CERS6: variants seen among roughly 807,000 people sequenced by gnomAD.
CERS6 encodes the protein LAG1 homolog, ceramide synthase 6.
CERS6 carries 26 observed loss-of-function variants against 56.8 expected under a neutral mutation model. The observed-to-expected ratio is 0.46, with a 90% CI of 0.34 to 0.63. CERS6 has a LOEUF of 0.63. CERS6 is among the 30% of genes least tolerant of loss of function. CERS6 has a pLI of 0.01. For missense variants in CERS6, 415 were observed against 467.5 expected (o/e 0.89, Z 1.04); for synonymous variants, 164 against 173.3 (o/e 0.95, Z 0.42).
At chr2:168,713,681 A>G (rs888099807) in intron 6 of CERS6, among the ~76,000 whole-genome samples, 27 of 152,220 alleles carry the variant, frequency 1.8e-4, no homozygotes, top group Non-Finnish European at 1.2e-4. Context: ...CTATGGACAG[A>G]TAATGATTAA....
intron 3 of CERS6, among the ~76,000 whole-genome samples, chr2:168,620,062 CATAT>C (rs767661413): frequency 1.0e-4 from 7 of 70,076 alleles, no homozygotes; most frequent in Middle Eastern, 7.6e-3. Flanking sequence ...CACACACACA[CATAT>C]TTATATATAT....
intron 1 of CERS6, among the ~76,000 whole-genome samples, chr2:168,501,141 C>G (rs766126055): frequency 6.6e-6 from 1 of 152,298 alleles, no homozygotes; most frequent in South Asian, 2.1e-4. Flanking sequence ...AGTTCACTGT[C>G]GTTGTTGCCT....
At chr2:168,656,634 C>T (rs543831208) in intron 4 of CERS6, among the ~76,000 whole-genome samples, 6 of 152,166 alleles carry the variant, frequency 3.9e-5, no homozygotes, top group East Asian at 3.9e-4. Context: ...CAGATCTTCG[C>T]GGTGAGTGTC....
chr2:168,587,950 G>A (rs147215913), intron 3 of CERS6, among the ~76,000 whole-genome samples: 1 of 152,178 alleles, frequency 6.6e-6, no homozygotes, highest in Non-Finnish European at 1.5e-5. Context: ...TTTACAGACA[G>A]TGTTTCACTC....
At chr2:168,707,548 G>A (rs1574178256) in intron 6 of CERS6, among the ~76,000 whole-genome samples, 1 of 152,164 alleles carries the variant, frequency 6.6e-6, no homozygotes, top group East Asian at 1.9e-4. Context: ...GTTTCGAAGA[G>A]CCTTATGTGA....
At chr2:168,713,931 A>AC (rs1406835278) in intron 6 of CERS6, among the ~76,000 whole-genome samples, 3 of 152,106 alleles carry the variant, frequency 2.0e-5, no homozygotes, top group Non-Finnish European at 2.9e-5. Context: ...GAAAACAATC[A>AC]CCCCCGTCTT....
intron 3 of CERS6, among the ~76,000 whole-genome samples, chr2:168,584,650 G>A (rs1683498656): frequency 6.6e-6 from 1 of 152,222 alleles, no homozygotes; most frequent in African/African-American, 2.4e-5. Flanking sequence ...ATTACTTGGA[G>A]TTTGATAACA....
chr2:168,651,988 C>T (rs919542657), intron 4 of CERS6, among the ~76,000 whole-genome samples: 1 of 152,004 alleles, frequency 6.6e-6, no homozygotes, highest in African/African-American at 2.4e-5. Context: ...TTATTGTTTA[C>T]AAATCTCTTT....
intron 1 of CERS6, among the ~76,000 whole-genome samples, chr2:168,537,526 A>G (rs956248597): frequency 6.6e-6 from 1 of 152,138 alleles, no homozygotes; most frequent in African/African-American, 2.4e-5. Flanking sequence ...TACAGTTTTT[A>G]TAAAATAGCC....
rs142106012 is a variant in CERS6, at chr2:168,550,306, G to T, written c.276+2605G>T. On this transcript the variant is annotated intron_variant, in intron 2 of 9. Transcript: ENST00000305747. ...TCCTCTTGCTTCAGCCTCTCAAGTA[G>T]CTGGAACTACAGGTGTGGGCCACCA... 4.1e-3 allele frequency among the ~76,000 whole-genome samples: 628 copies of T among 152,130 alleles called. 4 individuals carry two copies. The highest frequency in any genetic ancestry group is 0.014 in the African/African-American group (570 of 41,498).
chr2:168,671,145 T>C (rs1685907428), intron 4 of CERS6, among the ~76,000 whole-genome samples: 1 of 151,780 alleles, frequency 6.6e-6, no homozygotes, highest in African/African-American at 2.4e-5. Flanking sequence ...ATTTTTTTTT[T>C]CAGTAGAGAC....
At chr2:168,727,410 G>A (rs1683382062) in intron 8 of CERS6, among the ~76,000 whole-genome samples, 1 of 152,080 alleles carries the variant, frequency 6.6e-6, no homozygotes, top group Admixed American at 6.6e-5. Flanking sequence ...TTAGCCGGGT[G>A]TGGTGGCATG....
chr2:168,716,585 A>C (rs924813507), intron 7 of CERS6, among the ~76,000 whole-genome samples: 8 of 152,190 alleles, frequency 5.3e-5, no homozygotes, highest in African/African-American at 1.9e-4. Context: ...TTAATGAGAT[A>C]GGTCACCTGT....
intron 1 of CERS6, among the ~76,000 whole-genome samples, chr2:168,516,159 G>A (rs1308318809): frequency 6.6e-6 from 1 of 152,036 alleles, no homozygotes; most frequent in Non-Finnish European, 1.5e-5. Context: ...TGGGATTGGT[G>A]GGCCTAGCTT....
In CERS6 at chr2:168,634,437, G is replaced by A. The variant is rs145488203; in HGVS notation, c.465+3395G>A. Among the ~76,000 whole-genome samples the A allele has an allele frequency of 3.8e-3, 584 of 152,204 alleles. 3 individuals carry two copies. The highest frequency in any genetic ancestry group is 0.013 in the African/African-American group (559 of 41,512). On this transcript the variant is annotated intron_variant, in intron 4 of 9. Transcript: ENST00000305747. ...GTTTGTTTGTTTGTTTTTTGAGATGGAGTCTCGCTCTGCCGCCCAGGCTGG... is the reference window on the plus strand; with the variant it reads ...GTTTGTTTGTTTGTTTTTTGAGATGAAGTCTCGCTCTGCCGCCCAGGCTGG...
intron 8 of CERS6, among the ~76,000 whole-genome samples, chr2:168,745,914 T>C (rs1380336554): frequency 6.6e-6 from 1 of 152,176 alleles, no homozygotes; most frequent in Non-Finnish European, 1.5e-5. Context: ...ATTCCCCTCT[T>C]AGATTAGCTG....
chr2:168,459,658 G>C (rs896142171), intron 1 of CERS6, among the ~76,000 whole-genome samples: 1 of 151,974 alleles, frequency 6.6e-6, no homozygotes, highest in Non-Finnish European at 1.5e-5. Context: ...CAACTGGGCT[G>C]ATTCTCTTAG....
chr2:168,470,104 G>A (rs143276687), intron 1 of CERS6, among the ~76,000 whole-genome samples: 137 of 151,746 alleles, frequency 9.0e-4, no homozygotes, highest in African/African-American at 3.1e-3. Flanking sequence ...CCCATCCTGA[G>A]GTCAGGACAG....
At chr2:168,687,606 G>C (rs1380939559) in intron 4 of CERS6, among the ~76,000 whole-genome samples, 1 of 152,186 alleles carries the variant, frequency 6.6e-6, no homozygotes, top group Non-Finnish European at 1.5e-5. Flanking sequence ...AATTAAATGA[G>C]ATGACACGTG....
Sources: gnomAD v4.1 joint callset for allele counts (sites outside exome capture counted in the v4.1 genomes callset) on GRCh38, gnomAD v4.1.1 for gene constraint, MANE v1.5 for transcripts, NCBI Gene and HGNC (gene_info 2026-07-23, HGNC 2026-07-21) for gene names.